The following PPP3R1 variants were observed in gnomAD, a reference collection of about 807,000 sequenced individuals.
PPP3R1 encodes the protein calcineurin subunit B type 1.
In PPP3R1, 5 loss-of-function variants were observed where a neutral mutation model predicts 22.6. The observed-to-expected ratio is 0.22, with a 90% CI of 0.12 to 0.46. PPP3R1 has a LOEUF of 0.46. PPP3R1 is among the 20% of genes least tolerant of loss of function. The pLI is 0.99. For synonymous variants in PPP3R1, 56 were observed against 65.2 expected (o/e 0.86, Z 0.68); for missense variants, 61 against 203.2 (o/e 0.30, Z 4.25).
chr2:68,211,868 G>A (rs1669493844), intron 2 of PPP3R1, among the ~76,000 whole-genome samples: 1 of 152,100 alleles, frequency 6.6e-6, no homozygotes, highest in Non-Finnish European at 1.5e-5. Context: ...CAGCAAATCA[G>A]CCACATTTTC....
chr2:68,230,771 C>G (rs1669881594), intron 1 of PPP3R1, among the ~76,000 whole-genome samples: 1 of 152,134 alleles, frequency 6.6e-6, no homozygotes, highest in Non-Finnish European at 1.5e-5. Flanking sequence ...AGGGTGTTTT[C>G]TCTAGATACA....
intron 2 of PPP3R1, among the ~76,000 whole-genome samples, chr2:68,199,445 CTT>C (rs1328311218): frequency 6.6e-6 from 1 of 152,132 alleles, no homozygotes; most frequent in African/African-American, 2.4e-5. Flanking sequence ...AATCTCAAGT[CTT>C]TTTCTTTTTC....
chr2:68,205,953 G>A (rs1675112795), intron 2 of PPP3R1, among the ~76,000 whole-genome samples: 1 of 152,100 alleles, frequency 6.6e-6, no homozygotes, highest in Non-Finnish European at 1.5e-5. Context: ...CTGAGTAGCT[G>A]GGATTTAGGG....
At chr2:68,216,982 G>GT (rs1669590961) in intron 2 of PPP3R1, 110 bp downstream of exon 2, 5 of 755,210 alleles carry the variant, frequency 6.6e-6, no homozygotes, top group African/African-American at 3.6e-5. Context: ...TGCTACAAAG[G>GT]TAAGTAAATA....
intron 2 of PPP3R1, among the ~76,000 whole-genome samples, chr2:68,195,821 T>C (rs745329935): frequency 2.2e-4 from 33 of 152,254 alleles, no homozygotes; most frequent in Non-Finnish European, 4.4e-4. Context: ...GTTAGTCAAA[T>C]TGTTCCAGCT....
intron 2 of PPP3R1, among the ~76,000 whole-genome samples, chr2:68,191,532 T>C (rs1233977576): frequency 6.6e-6 from 1 of 152,176 alleles, no homozygotes; most frequent in East Asian, 1.9e-4. Context: ...GCCTAGGATA[T>C]TACTGTAGAC....
intron 1 of PPP3R1, among the ~76,000 whole-genome samples, chr2:68,232,472 A>G (rs1218120059): frequency 1.3e-5 from 2 of 151,360 alleles, no homozygotes; most frequent in African/African-American, 4.9e-5. Context: ...AGATTTTGCC[A>G]TTAGGGAGTA....
At chr2:68,195,941 G>C (rs747802445) in intron 2 of PPP3R1, among the ~76,000 whole-genome samples, 2 of 150,494 alleles carry the variant, frequency 1.3e-5, no homozygotes, top group Non-Finnish European at 3.0e-5. Context: ...TATGTTCAAG[G>C]CTTATCCCAA....
intron 2 of PPP3R1, among the ~76,000 whole-genome samples, chr2:68,216,468 ATT>A (rs1669581618): frequency 6.6e-6 from 1 of 151,938 alleles, no homozygotes; most frequent in Non-Finnish European, 1.5e-5. Context: ...AAATAAAAAA[ATT>A]AAAAATTAAA....
intron 3 of PPP3R1, 81 bp downstream of exon 3, chr2:68,188,433 T>C: frequency 7.3e-6 from 3 of 411,798 alleles, no homozygotes; most frequent in Non-Finnish European, 1.0e-5. Flanking sequence ...TATAAGCACT[T>C]TTTTTTTTTT....
chr2:68,211,966 A>C (rs1006079817), intron 2 of PPP3R1, among the ~76,000 whole-genome samples: 3 of 151,974 alleles, frequency 2.0e-5, no homozygotes, highest in African/African-American at 7.3e-5. Context: ...CCTCAAAATC[A>C]CTCATGAAGA....
intron 2 of PPP3R1, among the ~76,000 whole-genome samples, chr2:68,213,923 T>C (rs750853236): frequency 6.6e-6 from 1 of 152,090 alleles, no homozygotes; most frequent in African/African-American, 2.4e-5. Flanking sequence ...GAAGCTATAC[T>C]ACAACTAAAA....
chr2:68,181,263 T>C (rs1674394557), intron 5 of PPP3R1, among the ~76,000 whole-genome samples: 1 of 151,862 alleles, frequency 6.6e-6, no homozygotes, highest in South Asian at 2.1e-4. Context: ...TGTGGTGGCG[T>C]GTGCCTCTAG....
chr2:68,232,286 C>A (rs1267286294), intron 1 of PPP3R1, among the ~76,000 whole-genome samples: 4 of 137,950 alleles, frequency 2.9e-5, no homozygotes, highest in African/African-American at 1.1e-4. Context: ...TACACACACA[C>A]AAAAATTAGC....
intron 1 of PPP3R1, among the ~76,000 whole-genome samples, chr2:68,222,896 G>T (rs1188517530): frequency 6.6e-6 from 1 of 152,120 alleles, no homozygotes; most frequent in Non-Finnish European, 1.5e-5. Context: ...AAAGTAAATA[G>T]TAAGAAGGCA....
At chr2:68,220,094 A>G (rs529686792) in intron 1 of PPP3R1, among the ~76,000 whole-genome samples, 10 of 152,344 alleles carry the variant, frequency 6.6e-5, no homozygotes, top group African/African-American at 2.2e-4. Context: ...GATCATCTAT[A>G]TAAGAAAACA....
In PPP3R1 at chr2:68,232,333, C is replaced by T. The variant is rs985838981; in HGVS notation, c.4-15202G>A. 2.1e-5 allele frequency among the ~76,000 whole-genome samples: 3 copies of T among 145,946 alleles called. No individual in the cohort carries two copies. In the South Asian group the frequency reaches 6.6e-4, roughly 32 times the overall value. On this transcript the variant is annotated intron_variant, in intron 1 of 5. Coordinates refer to ENST00000234310, the MANE Select transcript of PPP3R1 (RefSeq NM_000945.4). ...GCAAGCATCTGTAACCCCAGCCACT[C>T]GGTAGGCTGACACAGGAGAATCACT...
intron 1 of PPP3R1, among the ~76,000 whole-genome samples, chr2:68,238,230 T>C (rs1670053280): frequency 1.3e-5 from 2 of 151,896 alleles, no homozygotes; most frequent in Admixed American, 1.3e-4. Context: ...AAAAAATGCA[T>C]CCACTGCCCT....
At chr2:68,214,106 G>C (rs1669534201) in intron 2 of PPP3R1, among the ~76,000 whole-genome samples, 1 of 152,078 alleles carries the variant, frequency 6.6e-6, no homozygotes, top group Non-Finnish European at 1.5e-5. Flanking sequence ...GACTGAAATT[G>C]GACCCCCTTC....
Sources: gnomAD v4.1 joint callset for allele counts (sites outside exome capture counted in the v4.1 genomes callset) on GRCh38, gnomAD v4.1.1 for gene constraint, MANE v1.5 for transcripts, NCBI Gene and HGNC (gene_info 2026-07-23, HGNC 2026-07-21) for gene names.